POSTN: variants seen among roughly 807,000 people sequenced by gnomAD.
POSTN encodes the protein periostin, also known as osteoblast specific factor 2 (fasciclin I-like).
Under a neutral mutation model 104.5 loss-of-function variants are expected in POSTN, and 71 were observed. The observed-to-expected ratio is 0.68, with a 90% CI of 0.56 to 0.83. The LOEUF is 0.83. Among genes scored for constraint, POSTN ranks in the 40% least tolerant of loss-of-function variants. The pLI is 0.00. For synonymous variants in POSTN, 355 were observed against 340.7 expected (o/e 1.04, Z -0.46); for missense variants, 949 against 1,006.8 (o/e 0.94, Z 0.78).
intron 4 of POSTN, among the ~76,000 whole-genome samples, 190 bp downstream of exon 4, chr13:37,590,182 T>A (rs545629000): frequency 6.6e-6 from 1 of 152,214 alleles, no homozygotes; most frequent in African/African-American, 2.4e-5. Flanking sequence ...ATAAGTCTCC[T>A]GGAGATTTAT....
rs1280419869 is a variant in POSTN, at chr13:37,592,111, C to A, written c.272G>T (p.Gly91Val). 2.5e-6 allele frequency: 4 copies of A among 1,606,072 alleles called. No individual in the cohort carries two copies. Among genetic ancestry groups the A allele is most frequent in the East Asian group, 2.2e-5 (1 of 44,810 alleles). Residue 91 changes from glycine (G) to valine (V), a missense_variant, in exon 3 of 23, where the codon GGC (glycine) becomes GTC (valine). Transcript: ENST00000379747. ...AATTGAGATTTTACCTGCTGGGCAG[C>A]CTTTCATTCCTTCCATTCTCATATA... ...PGYMRMEGMK[G>V]CPAVLPIDHV...
chr13:37,570,255 A>T (rs1345805068), intron 19 of POSTN, among the ~76,000 whole-genome samples: 1 of 151,812 alleles, frequency 6.6e-6, no homozygotes, highest in African/African-American at 2.4e-5. Flanking sequence ...TCAAATGAGG[A>T]AATGGCTTTT....
At chr13:37,589,279 A>C (rs1950853785) in intron 4 of POSTN, among the ~76,000 whole-genome samples, 2 of 152,176 alleles carry the variant, frequency 1.3e-5, no homozygotes, top group African/African-American at 4.8e-5. Context: ...AACCATGATA[A>C]GTGCATTTAA....
In POSTN at chr13:37,571,361, G is replaced by A; in HGVS notation, c.2179+8C>T. On this transcript the variant is annotated splice_region_variant and intron_variant, in intron 18 of 22. Coordinates refer to ENST00000379747, the MANE Select transcript of POSTN (RefSeq NM_006475.3). ...GGTAGTCGGCCCCAGGTAACATAAG[G>A]AACGCACCTCCATGGATCACTTCAG... 1 of 1,576,456 alleles carries A rather than the reference G, an allele frequency of 6.3e-7. No individual in the cohort carries two copies. The highest frequency in any genetic ancestry group is 8.7e-7 in the Non-Finnish European group (1 of 1,149,986).
At chr13:37,592,254 T>A (rs888099308) in intron 2 of POSTN, 90 bp from the exon 3 acceptor site, 2 of 829,338 alleles carry the variant, frequency 2.4e-6, no homozygotes, top group Non-Finnish European at 3.8e-6. Flanking sequence ...ACTTATTGAC[T>A]TGATTTGTTG....
chr13:37,569,931 A>G (rs1366349157), intron 19 of POSTN, 110 bp from the exon 20 acceptor site: 9 of 706,552 alleles, frequency 1.3e-5, no homozygotes, highest in South Asian at 1.2e-4. Flanking sequence ...CTGTGTTGCC[A>G]TTGTTCAACT....
chr13:37,574,506 A>C, intron 17 of POSTN, 66 bp downstream of exon 17: 1 of 1,507,064 alleles, frequency 6.6e-7, no homozygotes, highest in Non-Finnish European at 8.8e-7. Flanking sequence ...AGATACATTC[A>C]TAGAGATCAG....
intron 3 of POSTN, 21 bp downstream of exon 3, chr13:37,592,079 T>G (rs760480765): frequency 9.6e-6 from 15 of 1,561,688 alleles, no homozygotes; most frequent in Non-Finnish European, 1.1e-5. Flanking sequence ...CCTTATTTAA[T>G]TCAAAAAATT....
At chr13:37,595,221 T>C (rs939976269) in intron 2 of POSTN, among the ~76,000 whole-genome samples, 2 of 152,146 alleles carry the variant, frequency 1.3e-5, no homozygotes, top group Admixed American at 6.5e-5. Flanking sequence ...TCCTTTCTTA[T>C]CTAGTTAAGT....
chr13:37,590,649 T>C (rs1057280164), intron 3 of POSTN, 120 bp from the exon 4 acceptor site: 1 of 755,086 alleles, frequency 1.3e-6, no homozygotes, highest in Non-Finnish European at 1.9e-6. Flanking sequence ...AGCAATACAA[T>C]TATATGAATA....
intron 4 of POSTN, among the ~76,000 whole-genome samples, chr13:37,588,659 G>A (rs1481986463): frequency 1.3e-5 from 2 of 152,194 alleles, no homozygotes; most frequent in Non-Finnish European, 2.9e-5. Context: ...TAGGAATGGT[G>A]TGGTGGTCTT....
At position 37,580,643 on chromosome 13, in the gene POSTN, CGT is replaced by C; in HGVS notation, c.1445_1446del (p.Asn482ArgfsTer19). The C allele has an allele frequency of 6.2e-7, 1 of 1,614,024 alleles. No individual in the cohort carries two copies. The highest frequency in any genetic ancestry group is 1.1e-5 in the South Asian group (1 of 91,078). ...ATCTCGCGGAATATGTGAATCGCAC[CGT>C]TTCTCCCTTGCTTACTCCCTTTCTC... ...CMEKGSKQGR[N>X]GAIHIFREII... is the part of the protein sequence containing the mutation. On this transcript the variant is annotated frameshift_variant, in exon 11 of 23. Coordinates refer to ENST00000379747, the MANE Select transcript of POSTN (RefSeq NM_006475.3). LOFTEE classifies it high-confidence loss of function.
chr13:37,584,993 A>T, intron 7 of POSTN, 65 bp from the exon 8 acceptor site: 1 of 1,583,658 alleles, frequency 6.3e-7, no homozygotes, highest in Non-Finnish European at 8.6e-7. Flanking sequence ...CCCTGAAAAG[A>T]TGTGTTTCAC....
intron 6 of POSTN, 89 bp downstream of exon 6, chr13:37,586,693 A>G: frequency 7.4e-7 from 1 of 1,349,902 alleles, no homozygotes; most frequent in Non-Finnish European, 1.0e-6. Context: ...CATTTTTGCC[A>G]GATTTAATAG....
At chr13:37,580,847 C>T (rs2138274645) in intron 10 of POSTN, 150 bp from the exon 11 acceptor site, 1 of 849,398 alleles carries the variant, frequency 1.2e-6, no homozygotes, top group African/African-American at 1.7e-5. Flanking sequence ...CCTCTGTTTT[C>T]AATGGCTCAC....
chr13:37,578,941 G>A (rs780655312), intron 14 of POSTN, 30 bp from the exon 15 acceptor site: 2 of 1,595,164 alleles, frequency 1.3e-6, no homozygotes, highest in Non-Finnish European at 1.7e-6. Context: ...ATGAATATTG[G>A]TAAGAAAGCA....
At chr13:37,569,546 T>C (rs1287126357) in intron 20 of POSTN, 163 bp from the exon 21 acceptor site, 1 of 803,394 alleles carries the variant, frequency 1.2e-6, no homozygotes, top group Non-Finnish European at 2.1e-6. Flanking sequence ...AATATTCTTA[T>C]AAAGTTGTTG....
intron 9 of POSTN, among the ~76,000 whole-genome samples, chr13:37,582,992 G>T (rs1274591000): frequency 6.6e-6 from 1 of 152,126 alleles, no homozygotes; most frequent in African/African-American, 2.4e-5. Flanking sequence ...AGAAAGTCAG[G>T]ATATCTAGGA....
In POSTN at chr13:37,577,755, T is replaced by C. The variant is rs758601515; in HGVS notation, c.2006A>G (p.Tyr669Cys). 6.2e-7 allele frequency: 1 copy of C among 1,613,296 alleles called. No homozygotes were observed. Among genetic ancestry groups the C allele is most frequent in the Non-Finnish European group, 8.5e-7 (1 of 1,179,594 alleles). ...GCCAATATTTATTATATACTTACTATAGACAGTCACGGGGATTTCTTTGAA... is the reference window on the plus strand; with the variant it reads ...GCCAATATTTATTATATACTTACTACAGACAGTCACGGGGATTTCTTTGAA... ...STFKEIPVTV[Y>C]TTKIITKVVE... is the part of the protein sequence containing the mutation. The change falls in exon 16 of 23, where the codon TAT (tyrosine) becomes TGT (cysteine). Residue 669 changes from tyrosine to cysteine, a missense_variant and splice_region_variant. Tyr to Cys is a radical substitution (Grantham distance 194). Transcript: ENST00000379747.
Sources: allele counts gnomAD v4.1 joint callset (sites outside exome capture counted in the v4.1 genomes callset), GRCh38; gene constraint gnomAD v4.1.1; transcripts MANE v1.5; gene names NCBI Gene and HGNC (gene_info 2026-07-23, HGNC 2026-07-21).